YAF2: variants seen among roughly 807,000 people sequenced by gnomAD.
YAF2 encodes the protein YY1-associated factor 2.
Under a neutral mutation model 20.1 loss-of-function variants are expected in YAF2, and 7 were observed. That is an observed-to-expected ratio of 0.35 (90% CI 0.20 to 0.65). The LOEUF (loss-of-function observed/expected upper bound fraction) is 0.65, where lower values mean the gene tolerates loss of function less well. Ranked by LOEUF, YAF2 falls within the 30% of genes least tolerant of loss-of-function variation. The probability of loss-of-function intolerance (pLI) is 0.69; values close to 1 mark genes in which losing one functional copy is unlikely to be tolerated. For missense variants in YAF2, 151 were observed against 219.2 expected, an observed-to-expected ratio of 0.69 and a Z score of 1.96; for synonymous variants, 74 against 76.0, an observed-to-expected ratio of 0.97 and a Z score of 0.14.
At chr12:42,227,873 C>T (rs1242556235) in intron 2 of YAF2, among the ~76,000 whole-genome samples, 19 of 135,678 alleles carry the variant, frequency 1.4e-4, no homozygotes, top group African/African-American at 3.9e-4. Context: ...CCCCGCCAGC[C>T]GCCCCGTCCG....
intron 2 of YAF2, among the ~76,000 whole-genome samples, chr12:42,218,239 G>A (rs923243457): frequency 5.0e-5 from 7 of 138,904 alleles, no homozygotes; most frequent in Non-Finnish European, 9.4e-5. Context: ...GATGATTATC[G>A]ATCTCATCAA....
chr12:42,176,900 G>T (rs1156799658), intron 2 of YAF2, among the ~76,000 whole-genome samples: 2 of 152,198 alleles, frequency 1.3e-5, no homozygotes, highest in East Asian at 3.8e-4. Context: ...CCAGGAGGGG[G>T]AGGTTGCAGT....
At position 42,160,589 on chromosome 12, in the gene YAF2, T is replaced by C; in HGVS notation, c.543A>G (p.Ter181=). 1 of 1,609,676 alleles carries C rather than the reference T, an allele frequency of 6.2e-7. No individual in the cohort carries two copies. The highest frequency in any genetic ancestry group is 8.5e-7 in the Non-Finnish European group (1 of 1,176,722). The change falls in exon 4 of 4, where the codon TAA becomes TAG. Residue 181 remains the stop codon, a stop_retained_variant. Transcript: ENST00000534854. ...EASSLNGESH[*] ...ACTAAGAAATTGGAGAAAATAAACT[T>C]TAATGAGATTCTCCATTCAATGATG...
chr12:42,212,012 G>A (rs1407750560), intron 2 of YAF2, among the ~76,000 whole-genome samples: 2 of 151,400 alleles, frequency 1.3e-5, no homozygotes, highest in Non-Finnish European at 2.9e-5. Flanking sequence ...TCGTGCCTGG[G>A]AGACACAGCA....
Position 42,161,679 on chromosome 12 carries a change from T to A in YAF2, c.239A>T (p.Asp80Val), listed in dbSNP as rs2065802775. ...TTCACTTTTTTCTTTTTCTACTTTA[T>A]CTTTTTTCTCTTTCTTTGACTGTGT... ...PPTQSKKEKK[D>V]KVEKEKSEKE... Residue 80 changes from aspartate to valine, a missense_variant, in exon 3 of 4, where the codon GAT (aspartate) becomes GTT (valine). Coordinates refer to ENST00000534854, the MANE Select transcript of YAF2 (RefSeq NM_005748.6). 1 of 1,609,454 alleles carries A rather than the reference T, an allele frequency of 6.2e-7. No individual in the cohort carries two copies. Among genetic ancestry groups the A allele is most frequent in the African/African-American group, 1.3e-5 (1 of 74,552 alleles).
At chr12:42,223,680 T>G (rs570119127) in intron 2 of YAF2, among the ~76,000 whole-genome samples, 6 of 152,150 alleles carry the variant, frequency 3.9e-5, no homozygotes, top group African/African-American at 9.6e-5. Context: ...TTATTAATAA[T>G]GGCCACATGC....
At chr12:42,164,160 T>C (rs2065860830) in intron 2 of YAF2, among the ~76,000 whole-genome samples, 2 of 152,224 alleles carry the variant, frequency 1.3e-5, no homozygotes, top group South Asian at 4.1e-4. Flanking sequence ...GTCCATCATC[T>C]ACTTATTCAC....
At chr12:42,197,384 T>A (rs929627707) in intron 2 of YAF2, among the ~76,000 whole-genome samples, 1 of 152,176 alleles carries the variant, frequency 6.6e-6, no homozygotes, top group Non-Finnish European at 1.5e-5. Context: ...GTGATCACAG[T>A]GGATGGGAGA....
intron 2 of YAF2, chr12:42,232,539 T>C: frequency 2.0e-6 from 2 of 985,094 alleles, no homozygotes; most frequent in South Asian, 9.4e-5. Context: ...GAATAAGGAG[T>C]CTCTGAACAA....
intron 2 of YAF2, among the ~76,000 whole-genome samples, chr12:42,218,029 T>C (rs112950367): frequency 0.031 from 4,674 of 152,258 alleles, 100 homozygotes; most frequent in Non-Finnish European, 0.049. Context: ...ACTCTTTAAC[T>C]ATGGCAAACA....
At chr12:42,182,042 C>T (rs1458948994) in intron 2 of YAF2, among the ~76,000 whole-genome samples, 1 of 151,972 alleles carries the variant, frequency 6.6e-6, no homozygotes, top group African/African-American at 2.4e-5. Flanking sequence ...CATGAAAGTA[C>T]CTCTCTGCCA....
intron 2 of YAF2, among the ~76,000 whole-genome samples, chr12:42,177,463 A>C (rs2066225216): frequency 1.3e-5 from 2 of 152,162 alleles, no homozygotes; most frequent in Admixed American, 1.3e-4. Context: ...GCCTTTCCTC[A>C]GTGCATGCAC....
At chr12:42,229,730 C>A (rs1308776485) in intron 2 of YAF2, among the ~76,000 whole-genome samples, 2 of 152,196 alleles carry the variant, frequency 1.3e-5, no homozygotes, top group Non-Finnish European at 2.9e-5. Flanking sequence ...GCCTATTGCT[C>A]TGAAGCTACA....
At chr12:42,236,120 A>T in intron 2 of YAF2, 1 of 1,375,690 alleles carries the variant, frequency 7.3e-7, no homozygotes, top group Non-Finnish European at 9.6e-7. Flanking sequence ...AATTGTTTCC[A>T]CTTTAATGTT....
At chr12:42,214,821 C>T (rs535087710) in intron 2 of YAF2, among the ~76,000 whole-genome samples, 71 of 151,282 alleles carry the variant, frequency 4.7e-4, no homozygotes, top group African/African-American at 1.6e-3. Flanking sequence ...CGGGCCAACA[C>T]GGCGAAACCC....
chr12:42,186,483 G>A (rs779454719), intron 2 of YAF2, among the ~76,000 whole-genome samples: 24 of 151,896 alleles, frequency 1.6e-4, no homozygotes, highest in Non-Finnish European at 2.9e-4. Context: ...TGAGATCAGC[G>A]TGACCAACGT....
intron 2 of YAF2, among the ~76,000 whole-genome samples, chr12:42,176,813 A>G (rs1253387294): frequency 6.6e-6 from 1 of 152,122 alleles, no homozygotes; most frequent in Non-Finnish European, 1.5e-5. Flanking sequence ...AATACAAAAA[A>G]AAATGTAGCT....
intron 2 of YAF2, 195 bp downstream of exon 2, chr12:42,237,404 C>T: frequency 7.8e-7 from 1 of 1,287,116 alleles, no homozygotes. Flanking sequence ...ACGTTACAGC[C>T]TCTTCAATTA....
intron 2 of YAF2, among the ~76,000 whole-genome samples, chr12:42,236,172 G>A (rs1228975628): frequency 1.3e-5 from 2 of 152,134 alleles, no homozygotes; most frequent in Non-Finnish European, 2.9e-5. Flanking sequence ...TGCTTATTGA[G>A]CATTTTAAAA....
Sources: gnomAD v4.1 joint callset for allele counts (sites outside exome capture counted in the v4.1 genomes callset) on GRCh38, gnomAD v4.1.1 for gene constraint, MANE v1.5 for transcripts, NCBI Gene and HGNC (gene_info 2026-07-23, HGNC 2026-07-21) for gene names.